RNF212B: variants seen among roughly 807,000 people sequenced by gnomAD.
RNF212B encodes ring finger protein 212B.
A neutral mutation model predicts 55.5 loss-of-function variants in RNF212B; 52 were observed. That is an observed-to-expected ratio of 0.94 (90% CI 0.75 to 1.18). The LOEUF (loss-of-function observed/expected upper bound fraction) is 1.18, where lower values mean the gene tolerates loss of function less well. Ranked by LOEUF, RNF212B falls within the 50% of genes most tolerant of loss-of-function variation. The probability of loss-of-function intolerance (pLI) is 0.00; values close to 1 mark genes in which losing one functional copy is unlikely to be tolerated. For missense variants in RNF212B, 289 were observed against 350.4 expected (o/e 0.82, Z 1.40); for synonymous variants, 99 against 121.4 (o/e 0.82, Z 1.21).
intron 9 of RNF212B, among the ~76,000 whole-genome samples, 194 bp downstream of exon 9, chr14:23,263,164 A>C (rs1391126713): frequency 2.0e-5 from 3 of 152,138 alleles, no homozygotes; most frequent in African/African-American, 7.2e-5. Context: ...GGACATGGGC[A>C]GACAATCATT....
chr14:23,247,223 C>T (rs886743657), intron 4 of RNF212B, among the ~76,000 whole-genome samples: 1 of 151,710 alleles, frequency 6.6e-6, no homozygotes. Flanking sequence ...TTCATGCAAT[C>T]ACCTTCTTTT....
chr14:23,230,376 C>T (rs1294746042), intron 2 of RNF212B, among the ~76,000 whole-genome samples: 1 of 152,012 alleles, frequency 6.6e-6, no homozygotes, highest in African/African-American at 2.4e-5. Context: ...CATTGCCGGC[C>T]GGGCGCGGTG....
chr14:23,199,198 G>A (rs1347845452), intron 2 of RNF212B, among the ~76,000 whole-genome samples: 1 of 152,170 alleles, frequency 6.6e-6, no homozygotes, highest in Admixed American at 6.5e-5. Context: ...GGTGGTTGGG[G>A]TACAGCTTAG....
chr14:23,224,013 C>T (rs146272426), intron 2 of RNF212B, among the ~76,000 whole-genome samples: 13 of 151,670 alleles, frequency 8.6e-5, no homozygotes, highest in South Asian at 4.2e-4. Flanking sequence ...AATTAATTAC[C>T]GAGGAATTAA....
intron 2 of RNF212B, among the ~76,000 whole-genome samples, chr14:23,212,225 C>T (rs1566400329): frequency 6.6e-6 from 1 of 152,176 alleles, no homozygotes; most frequent in African/African-American, 2.4e-5. Context: ...AAGACTAACA[C>T]AAGGATGTCT....
At chr14:23,196,506 C>A (rs1286731059) in intron 2 of RNF212B, among the ~76,000 whole-genome samples, 1 of 152,200 alleles carries the variant, frequency 6.6e-6, no homozygotes, top group Admixed American at 6.5e-5. Flanking sequence ...GTGGAGTGAT[C>A]ATAGCTCACT....
intron 1 of RNF212B, among the ~76,000 whole-genome samples, chr14:23,192,948 C>T (rs1020414964): frequency 2.0e-5 from 3 of 151,868 alleles, no homozygotes; most frequent in Non-Finnish European, 4.4e-5. Flanking sequence ...AAAAATTAGC[C>T]GGGCATGGTG....
intron 2 of RNF212B, among the ~76,000 whole-genome samples, chr14:23,232,318 G>A (rs545831113): frequency 1.3e-5 from 2 of 148,518 alleles, no homozygotes; most frequent in Admixed American, 1.3e-4. Context: ...GGTGAGGAGC[G>A]TCTCTGCCCG....
chr14:23,213,486 G>C (rs549530501), intron 2 of RNF212B, among the ~76,000 whole-genome samples: 35 of 152,210 alleles, frequency 2.3e-4, no homozygotes, highest in African/African-American at 8.2e-4. Flanking sequence ...CAGGAGTCAT[G>C]AGGCGGAAAG....
intron 2 of RNF212B, among the ~76,000 whole-genome samples, chr14:23,209,882 G>A (rs544853324): frequency 6.6e-6 from 1 of 152,192 alleles, no homozygotes; most frequent in African/African-American, 2.4e-5. Context: ...GCCCAGTGAG[G>A]TGACTCAAAC....
chr14:23,256,531 C>T (rs546861488), intron 4 of RNF212B, among the ~76,000 whole-genome samples: 1 of 152,198 alleles, frequency 6.6e-6, no homozygotes, highest in African/African-American at 2.4e-5. Flanking sequence ...GCCACCATGC[C>T]TGGCTAATTT....
chr14:23,268,461 GC>G (rs1885848267), intron 11 of RNF212B, among the ~76,000 whole-genome samples: 1 of 152,156 alleles, frequency 6.6e-6, no homozygotes, highest in South Asian at 2.1e-4. Context: ...ATTACTACAA[GC>G]CCTTTGTTAA....
At chr14:23,245,165 C>A (rs575310533) in intron 4 of RNF212B, among the ~76,000 whole-genome samples, 9 of 152,088 alleles carry the variant, frequency 5.9e-5, no homozygotes, top group Non-Finnish European at 8.8e-5. Flanking sequence ...GAAAATACCC[C>A]TTTTCTAAAC....
intron 1 of RNF212B, among the ~76,000 whole-genome samples, chr14:23,191,379 C>T (rs1878108428): frequency 6.7e-6 from 1 of 150,148 alleles, no homozygotes; most frequent in Admixed American, 6.6e-5. Context: ...GCAAGAAAGT[C>T]CACCTCCATC....
In RNF212B at chr14:23,266,404, G is replaced by GTTTTTT. The variant is rs57731750; in HGVS notation, c.634+1752_634+1757dup. ...TTCAGTGATTTAAATCCTTTTAAAT[G>GTTTTTT]TTTTTTTTTTTTTTTTTTTTTTTTG... On this transcript the variant is annotated intron_variant, in intron 11 of 14. Transcript: ENST00000430154. Among the ~76,000 whole-genome samples the GTTTTTT allele has an allele frequency of 6.5e-3, 306 of 46,742 alleles. 19 individuals carry two copies. Among genetic ancestry groups the GTTTTTT allele is most frequent in the African/African-American group, 0.013 (103 of 7,748 alleles). The allele number at this position is 46,742 out of a possible 152,430, so 30.7% of individuals were successfully genotyped here. A position where few individuals can be genotyped will look rare whatever the true frequency, so the allele number is the denominator to read the frequency against.
intron 2 of RNF212B, chr14:23,230,094 C>T: frequency 5.2e-6 from 1 of 193,328 alleles, no homozygotes. Context: ...TTGCTTAATA[C>T]TGAAAGTCTT....
intron 2 of RNF212B, among the ~76,000 whole-genome samples, chr14:23,232,434 C>G (rs929602937): frequency 1.3e-5 from 2 of 150,026 alleles, no homozygotes; most frequent in Admixed American, 6.6e-5. Flanking sequence ...AAGTGAGGAG[C>G]GCCTCCGCCC....
chr14:23,269,803 T>C, intron 12 of RNF212B, 60 bp from the exon 13 acceptor site: 1 of 969,434 alleles, frequency 1.0e-6, no homozygotes, highest in Admixed American at 2.2e-5. Flanking sequence ...TTACATATGC[T>C]TTTTATTTTT....
At chr14:23,214,295 A>G (rs551304197) in intron 2 of RNF212B, among the ~76,000 whole-genome samples, 37 of 152,220 alleles carry the variant, frequency 2.4e-4, no homozygotes, top group Admixed American at 1.3e-3. Context: ...GGAGTCTGAG[A>G]CCAGCCTGGC....
Sources: gnomAD v4.1 joint callset for allele counts (sites outside exome capture counted in the v4.1 genomes callset) on GRCh38, gnomAD v4.1.1 for gene constraint, MANE v1.5 for transcripts, NCBI Gene and HGNC (gene_info 2026-07-23, HGNC 2026-07-21) for gene names.